Variants in ABHD12 observed in about 807,000 individuals in gnomAD.
ABHD12 encodes the protein abhydrolase domain containing 12, lysophospholipase.
ABHD12 carries 43 observed loss-of-function variants against 58.3 expected under a neutral mutation model. The ratio of observed to expected loss-of-function variants is 0.74; its 90% CI spans 0.58 to 0.95. The LOEUF is 0.95. Among genes scored for constraint, ABHD12 ranks in the 40% least tolerant of loss-of-function variants. The pLI, the probability that ABHD12 is intolerant of heterozygous loss-of-function variation, is 0.00. For synonymous variants in ABHD12, 219 were observed against 211.2 expected (o/e 1.04, Z -0.32); for missense variants, 539 against 537.2 (o/e 1.00, Z -0.03).
chr20:25,351,353 CA>C (rs562540022), intron 1 of ABHD12, among the ~76,000 whole-genome samples: 2 of 152,108 alleles, frequency 1.3e-5, no homozygotes, highest in African/African-American at 4.8e-5. Flanking sequence ...ATGATTAGTG[CA>C]AAAAAAGGAT....
intron 2 of ABHD12, among the ~76,000 whole-genome samples, chr20:25,326,069 C>CA (rs1339542161): frequency 0.03 from 1,569 of 52,070 alleles, 22 homozygotes; most frequent in African/African-American, 0.088. Context: ...AGACTCTGTC[C>CA]AAAAAAAAAA....
chr20:25,354,951 T>C (rs910812168), intron 1 of ABHD12, among the ~76,000 whole-genome samples: 2 of 152,186 alleles, frequency 1.3e-5, no homozygotes, highest in African/African-American at 4.8e-5. Context: ...CTGTACTTTC[T>C]GAACAGATAC....
chr20:25,358,408 G>A (rs1031123818), intron 1 of ABHD12, among the ~76,000 whole-genome samples: 10 of 152,158 alleles, frequency 6.6e-5, no homozygotes, highest in Admixed American at 4.6e-4. Context: ...ATATGCTGCA[G>A]GCAGGAGTTT....
chr20:25,390,807 G>C lies in ABHD12; in HGVS notation c.-104C>G. ...CAGAGCCCGGAGCCCGGAACCCGCCGCTCCTCACATCCCAGCCCAGGCCGC... is the reference window on the plus strand; with the variant it reads ...CAGAGCCCGGAGCCCGGAACCCGCCCCTCCTCACATCCCAGCCCAGGCCGC... On this transcript the variant is annotated 5_prime_UTR_variant, in exon 1 of 13. Coordinates refer to ENST00000339157, the MANE Select transcript of ABHD12 (RefSeq NM_001042472.3). 1 of 751,494 alleles carries C rather than the reference G, an allele frequency of 1.3e-6. No homozygotes were observed. The highest frequency in any genetic ancestry group is 1.8e-6 in the Non-Finnish European group (1 of 566,132). The allele number at this position is 751,494 out of a possible 1,614,324, so 46.6% of individuals were successfully genotyped here. A position where few individuals can be genotyped will look rare whatever the true frequency, so the allele number is the denominator to read the frequency against.
In ABHD12 at chr20:25,309,584, G is replaced by A. The variant is rs900172236; in HGVS notation, c.620-9C>T. ...CACTGAGTCACCCCAACCTGGGAGG[G>A]AGAAACGGCAGGACGGGGAGGTCAA... On this transcript the variant is annotated splice_polypyrimidine_tract_variant and intron_variant, in intron 6 of 12. Transcript: ENST00000339157. 5 of 1,613,900 alleles carry A rather than the reference G, an allele frequency of 3.1e-6. No homozygotes were observed. The African/African-American group carries it at 6.7e-5, about 22-fold the overall frequency.
rs1463012161 is a variant in ABHD12, at chr20:25,379,712, CAT to C, written c.191+10799_191+10800del. Among the ~76,000 whole-genome samples the C allele has an allele frequency of 3.6e-4, 55 of 152,284 alleles. 1 individual carries two copies. The highest frequency in any genetic ancestry group is 4.7e-4 in the Non-Finnish European group (32 of 68,020). ...TAGGCTGCTTGAAGTTATCCTATAGCATAGTGATGCTTTTATTTATTTATATA... is the reference window on the plus strand; with the variant it reads ...TAGGCTGCTTGAAGTTATCCTATAGCAGTGATGCTTTTATTTATTTATATA... On this transcript the variant is annotated intron_variant, in intron 1 of 12. Transcript: ENST00000339157.
chr20:25,327,057 T>C (rs1202806751), intron 2 of ABHD12, among the ~76,000 whole-genome samples: 1 of 152,226 alleles, frequency 6.6e-6, no homozygotes, highest in South Asian at 2.1e-4. Flanking sequence ...TTCCATTCCT[T>C]TCACCTTGGG....
chr20:25,336,577 C>CG (rs2089372628), intron 2 of ABHD12, among the ~76,000 whole-genome samples: 3 of 152,190 alleles, frequency 2.0e-5, no homozygotes, highest in Admixed American at 2.0e-4. Flanking sequence ...GAGGCACCTC[C>CG]CCAACAAAAT....
chr20:25,295,289 C>T (rs2088523756), downstream of ABHD12, among the ~76,000 whole-genome samples: 1 of 152,264 alleles, frequency 6.6e-6, no homozygotes, highest in Non-Finnish European at 1.5e-5. Flanking sequence ...GCCCAGGAGG[C>T]CTCTCCCATG....
At chr20:25,350,329 G>C (rs930566478) in intron 1 of ABHD12, among the ~76,000 whole-genome samples, 1 of 152,204 alleles carries the variant, frequency 6.6e-6, no homozygotes, top group African/African-American at 2.4e-5. Context: ...ATTTGGCTGT[G>C]TCCCCACCTA....
At chr20:25,383,178 A>G (rs1444663534) in intron 1 of ABHD12, among the ~76,000 whole-genome samples, 1 of 152,216 alleles carries the variant, frequency 6.6e-6, no homozygotes, top group Non-Finnish European at 1.5e-5. Context: ...GAAGGCTGAC[A>G]CTGAAGAAGA....
chr20:25,371,776 T>C lies in ABHD12; in HGVS notation c.191+18737A>G, dbSNP rs143422184. ...GGATCCCAAGCTGGTCTCGAACTCC[T>C]TGGACTCAAGTGACCTGCCTGCCCC... On this transcript the variant is annotated intron_variant, in intron 1 of 12. Coordinates refer to ENST00000339157, the MANE Select transcript of ABHD12 (RefSeq NM_001042472.3). Among the ~76,000 whole-genome samples the C allele has an allele frequency of 2.0e-5, 3 of 152,316 alleles. No individual in the cohort carries two copies. In the East Asian group the frequency reaches 5.8e-4, roughly 29 times the overall value.
chr20:25,390,682 C>G lies in ABHD12; in HGVS notation c.22G>C (p.Val8Leu). 3 of 1,417,370 alleles carry G rather than the reference C, an allele frequency of 2.1e-6. No homozygotes were observed. The highest frequency in any genetic ancestry group is 2.8e-6 in the Non-Finnish European group (3 of 1,086,028). 87.8% of individuals were successfully genotyped at this position (1,417,370 alleles called of 1,614,324 possible). A position where few individuals can be genotyped will look rare whatever the true frequency, so the allele number is the denominator to read the frequency against. ...GCGCAGCGCTCATGCTCCAAGGCGA[C>G]GGGCTCGGTCCGCTTCCTCATCCCG... MRKRTEP[V>L]ALEHERCAAA... The change falls in exon 1 of 13, where the codon GTC becomes CTC. Residue 8 changes from valine to leucine, a missense_variant. By Grantham distance (32) the Val-to-Leu change is conservative (BLOSUM62 1). Transcript: ENST00000339157.
At chr20:25,306,957 G>T in intron 9 of ABHD12, 42 bp from the exon 10 acceptor site, 1 of 1,438,298 alleles carries the variant, frequency 7.0e-7, no homozygotes. Flanking sequence ...CGTTGGTTAA[G>T]ATATCCAGGC....
intron 3 of ABHD12, among the ~76,000 whole-genome samples, chr20:25,322,381 A>ATATATATATATATTTTTTTTTT: frequency 1.7e-4 from 10 of 59,268 alleles, no homozygotes; most frequent in Non-Finnish European, 2.9e-4. Context: ...ATATATATAT[A>ATATATATATATATTTTTTTTTT]TTTTTTTTTT....
chr20:25,303,486 G>T (rs765890466), intron 11 of ABHD12, 64 bp downstream of exon 11: 4 of 1,598,034 alleles, frequency 2.5e-6, no homozygotes, highest in Non-Finnish European at 2.6e-6. Context: ...TCCCAGCCTG[G>T]TCCACCCACA....
chr20:25,347,104 A>AT (rs2089530141), intron 1 of ABHD12, among the ~76,000 whole-genome samples: 1 of 152,246 alleles, frequency 6.6e-6, no homozygotes, highest in African/African-American at 2.4e-5. Flanking sequence ...ACAAAAGTAA[A>AT]TATTACACGA....
At chr20:25,344,995 A>C (rs2089499658) in intron 1 of ABHD12, among the ~76,000 whole-genome samples, 1 of 152,234 alleles carries the variant, frequency 6.6e-6, no homozygotes, top group African/African-American at 2.4e-5. Flanking sequence ...ACTCAAAATG[A>C]GTCATAGACC....
downstream of ABHD12, among the ~76,000 whole-genome samples, chr20:25,295,424 A>G (rs2088526203): frequency 2.0e-5 from 3 of 152,390 alleles, no homozygotes; most frequent in South Asian, 6.2e-4. Context: ...CTCACAGAGA[A>G]GCCCTGTGGC....
Sources: allele counts gnomAD v4.1 joint callset (sites outside exome capture counted in the v4.1 genomes callset), GRCh38; gene constraint gnomAD v4.1.1; transcripts MANE v1.5; gene names NCBI Gene and HGNC (gene_info 2026-07-23, HGNC 2026-07-21).